Variants in XPR1 observed in about 807,000 individuals in gnomAD.
XPR1 encodes solute carrier family 53 member 1.
Under a neutral mutation model 87.5 loss-of-function variants are expected in XPR1, and 28 were observed. That is an observed-to-expected ratio of 0.32 (90% CI 0.24 to 0.44). XPR1 has a LOEUF of 0.44. Among genes scored for constraint, XPR1 ranks in the 20% least tolerant of loss-of-function variants. The probability of loss-of-function intolerance (pLI) is 1.00; values close to 1 mark genes in which losing one functional copy is unlikely to be tolerated. For synonymous variants in XPR1, 300 were observed against 306.1 expected (o/e 0.98, Z 0.21); for missense variants, 559 against 862.3 (o/e 0.65, Z 4.41).
chr1:180,863,918 A>T (rs1253691721), intron 12 of XPR1, 44 bp downstream of exon 12: 1 of 1,507,232 alleles, frequency 6.6e-7, no homozygotes, highest in South Asian at 1.4e-5. Context: ...AAACTTAGGT[A>T]TACCACTAGC....
At chr1:180,648,404 A>G (rs1018754027) in intron 1 of XPR1, among the ~76,000 whole-genome samples, 1 of 152,236 alleles carries the variant, frequency 6.6e-6, no homozygotes, top group South Asian at 2.1e-4. Context: ...GCCCATGTGC[A>G]TCAGAATTAC....
At chr1:180,695,367 C>G (rs902967727) in intron 2 of XPR1, among the ~76,000 whole-genome samples, 1 of 151,158 alleles carries the variant, frequency 6.6e-6, no homozygotes, top group Admixed American at 6.6e-5. Flanking sequence ...TTGATTGTTT[C>G]CTTTGCTGTG....
intron 2 of XPR1, among the ~76,000 whole-genome samples, chr1:180,785,630 C>T (rs1649110605): frequency 6.6e-6 from 1 of 151,694 alleles, no homozygotes; most frequent in African/African-American, 2.4e-5. Flanking sequence ...AATATACAAC[C>T]TATGTGAACG....
At chr1:180,864,220 C>G (rs1479483285) in intron 12 of XPR1, among the ~76,000 whole-genome samples, 1 of 152,170 alleles carries the variant, frequency 6.6e-6, no homozygotes. Flanking sequence ...TGCCCTCAGT[C>G]TGAAACACTC....
intron 1 of XPR1, among the ~76,000 whole-genome samples, chr1:180,659,190 C>A (rs1655651719): frequency 8.7e-6 from 1 of 114,784 alleles, no homozygotes; most frequent in Non-Finnish European, 1.7e-5. Context: ...GGCCTGTAGT[C>A]AGTCTTCCTT....
intron 2 of XPR1, among the ~76,000 whole-genome samples, chr1:180,780,343 T>C (rs371900224): frequency 7.9e-5 from 12 of 152,358 alleles, no homozygotes; most frequent in African/African-American, 2.6e-4. Flanking sequence ...TTTTAAATTA[T>C]AGCTATTCTA....
intron 1 of XPR1, among the ~76,000 whole-genome samples, chr1:180,659,453 C>CCCTCCCTTCCTCCCTTCCTCCCTT: frequency 8.9e-6 from 1 of 112,098 alleles, no homozygotes; most frequent in South Asian, 3.1e-4. Context: ...CCTCCTTCTT[C>CCCTCCCTTCCTCCCTTCCTCCCTT]CCTCCCTTCC....
chr1:180,634,565 A>G (rs1016638131), intron 1 of XPR1, among the ~76,000 whole-genome samples: 3 of 152,198 alleles, frequency 2.0e-5, no homozygotes, highest in Non-Finnish European at 4.4e-5. Flanking sequence ...GGACCTTTTC[A>G]TAATGAATTA....
intron 12 of XPR1, among the ~76,000 whole-genome samples, chr1:180,866,075 G>A (rs942818496): frequency 2.0e-5 from 3 of 152,104 alleles, no homozygotes; most frequent in East Asian, 3.8e-4. Flanking sequence ...AACTGGATAT[G>A]GTGGCACACG....
rs1649984825 is a variant in XPR1, at chr1:180,806,190, C to T, written c.576C>T (p.Asn192=). Residue 192 remains asparagine, a synonymous_variant, in exon 5 of 15, where the codon AAC becomes AAT. Coordinates refer to ENST00000367590, the MANE Select transcript of XPR1 (RefSeq NM_004736.4). The part of the protein sequence containing the change: ...VAPFYTCKKI[N]QLISETEAVV... ...CATTTTATACATGCAAGAAAATCAA[C>T]CAGCTTATCTCTGAAACTGAGGTAC... The T allele has an allele frequency of 6.2e-7, 1 of 1,613,208 alleles. No homozygotes were observed. Among genetic ancestry groups the T allele is most frequent in the African/African-American group, 1.3e-5 (1 of 74,890 alleles).
At position 180,654,250 on chromosome 1, in the gene XPR1, C is replaced by T. The variant is rs921435340; in HGVS notation, c.69+21980C>T. On this transcript the variant is annotated intron_variant, in intron 1 of 14. Coordinates refer to ENST00000367590, the MANE Select transcript of XPR1 (RefSeq NM_004736.4). ...ATCTAACCTAGCTTCTGCCCCATCACTCTACTAAAACTACTTTCTTGCAAG... is the reference window on the plus strand; with the variant it reads ...ATCTAACCTAGCTTCTGCCCCATCATTCTACTAAAACTACTTTCTTGCAAG... 1.4e-4 allele frequency among the ~76,000 whole-genome samples: 22 copies of T among 152,036 alleles called. 1 individual carries two copies. The highest frequency in any genetic ancestry group is 4.4e-5 in the Non-Finnish European group (3 of 67,992).
chr1:180,809,552 A>G (rs1263381107), intron 6 of XPR1, among the ~76,000 whole-genome samples: 2 of 152,142 alleles, frequency 1.3e-5, no homozygotes, highest in African/African-American at 4.8e-5. Context: ...AGTATGTGCA[A>G]TTTTTTTATG....
intron 2 of XPR1, among the ~76,000 whole-genome samples, chr1:180,710,573 CA>C (rs1657728970): frequency 6.6e-6 from 1 of 152,182 alleles, no homozygotes; most frequent in Non-Finnish European, 1.5e-5. Flanking sequence ...TAGTACAGAA[CA>C]AAATGGAGTC....
intron 2 of XPR1, among the ~76,000 whole-genome samples, chr1:180,765,656 ATTAC>A (rs1299700879): frequency 6.6e-6 from 1 of 152,182 alleles, no homozygotes; most frequent in Non-Finnish European, 1.5e-5. Flanking sequence ...TCTTCTCTGG[ATTAC>A]TTATCATACC....
At chr1:180,811,302 T>C (rs1400100738) in intron 6 of XPR1, 105 bp from the exon 7 acceptor site, 6 of 915,862 alleles carry the variant, frequency 6.6e-6, no homozygotes, top group Admixed American at 2.6e-5. Flanking sequence ...TTAAATATTA[T>C]TTTCATGGTA....
At chr1:180,663,936 T>TA (rs1187404455) in intron 1 of XPR1, among the ~76,000 whole-genome samples, 2 of 152,110 alleles carry the variant, frequency 1.3e-5, no homozygotes, top group Non-Finnish European at 2.9e-5. Flanking sequence ...CCACAGGAAA[T>TA]ACTGCCAGGG....
intron 3 of XPR1, among the ~76,000 whole-genome samples, chr1:180,792,499 A>G (rs777416677): frequency 6.6e-6 from 1 of 152,236 alleles, no homozygotes; most frequent in Non-Finnish European, 1.5e-5. Flanking sequence ...TCCACATGTT[A>G]GGATCAGAAG....
chr1:180,734,697 T>G (rs1233282750), intron 2 of XPR1, among the ~76,000 whole-genome samples: 1 of 152,044 alleles, frequency 6.6e-6, no homozygotes, highest in Non-Finnish European at 1.5e-5. Context: ...CAGTAAGTAA[T>G]TGGCTAGAGA....
chr1:180,732,930 G>C (rs1365060964), intron 2 of XPR1, among the ~76,000 whole-genome samples: 2 of 152,178 alleles, frequency 1.3e-5, no homozygotes, highest in African/African-American at 4.8e-5. Context: ...GGGAGATGGA[G>C]TGGGAAGGTT....
Sources: allele counts gnomAD v4.1 joint callset (sites outside exome capture counted in the v4.1 genomes callset), GRCh38; gene constraint gnomAD v4.1.1; transcripts MANE v1.5; gene names NCBI Gene and HGNC (gene_info 2026-07-23, HGNC 2026-07-21).